GGA2: variants seen among roughly 807,000 people sequenced by gnomAD.
GGA2 encodes golgi associated, gamma adaptin ear containing, ARF binding protein 2, also known as ADP-ribosylation factor-binding protein GGA2.
Under a neutral mutation model 79.5 loss-of-function variants are expected in GGA2, and 48 were observed. The ratio of observed to expected loss-of-function variants is 0.60; its 90% CI spans 0.48 to 0.77. The LOEUF is 0.77. Ranked by LOEUF, GGA2 falls within the 30% of genes least tolerant of loss-of-function variation. The probability of loss-of-function intolerance (pLI) is 0.00; values close to 1 mark genes in which losing one functional copy is unlikely to be tolerated. For synonymous variants in GGA2, 317 were observed against 302.0 expected, an observed-to-expected ratio of 1.05 and a Z score of -0.51; for missense variants, 770 against 774.0, an observed-to-expected ratio of 0.99 and a Z score of 0.06.
At chr16:23,485,322 G>A (rs897385796) in intron 8 of GGA2, among the ~76,000 whole-genome samples, 1 of 152,106 alleles carries the variant, frequency 6.6e-6, no homozygotes, top group Non-Finnish European at 1.5e-5. Context: ...TAGGTGTGAT[G>A]GTTGCTTTTA....
At position 23,465,045 on chromosome 16, in the gene GGA2, T is replaced by A. The variant is rs1028120901; in HGVS notation, c.*2545A>T. The A allele has an allele frequency of 2.1e-6, 1 of 474,490 alleles. No homozygotes were observed. Among genetic ancestry groups the A allele is most frequent in the African/African-American group, 1.9e-5 (1 of 51,606 alleles). The allele number at this position is 474,490 out of a possible 1,614,324, so 29.4% of individuals were successfully genotyped here. On this transcript the variant is annotated 3_prime_UTR_variant, in exon 17 of 17. Transcript: ENST00000309859. ...AAGAGTTCAAGATACTGGAAAGCAC[T>A]GGCCATGAGTGCCAGATCTCCAGCA...
At chr16:23,508,560 GCTAT>G (rs1965000846) in intron 1 of GGA2, among the ~76,000 whole-genome samples, 1 of 152,058 alleles carries the variant, frequency 6.6e-6, no homozygotes, top group South Asian at 2.1e-4. Flanking sequence ...TCCCTCCTTT[GCTAT>G]CAGTGGGTGC....
chr16:23,470,038 G>T lies in GGA2; in HGVS notation c.1578C>A (p.Pro526=). The change falls in exon 15 of 17, where the codon CCC becomes CCA. Residue 526 remains proline (P), a synonymous_variant. Transcript: ENST00000309859. ...GAAACATGATATCCCAGACAGGCTG[G>T]GGAGCCGTGCTCATCATGGTCAAGA... The part of the protein sequence containing the change: ...VLLLTMMSTA[P]QPVWDIMFQV... The T allele has an allele frequency of 1.3e-6, 2 of 1,595,612 alleles. No homozygotes were observed. The highest frequency in any genetic ancestry group is 1.7e-6 in the Non-Finnish European group (2 of 1,171,092).
chr16:23,500,970 T>C (rs1423524662), intron 1 of GGA2: 6 of 312,618 alleles, frequency 1.9e-5, no homozygotes, highest in Non-Finnish European at 3.2e-5. Flanking sequence ...TTACACCATA[T>C]TGCTAGATAA....
At chr16:23,491,883 G>A in intron 4 of GGA2, 83 bp from the exon 5 acceptor site, 1 of 934,306 alleles carries the variant, frequency 1.1e-6, no homozygotes, top group East Asian at 2.5e-5. Flanking sequence ...AGCTGCTGAG[G>A]CCCAGAGACA....
At chr16:23,480,250 G>T in intron 10 of GGA2, 1 of 318,096 alleles carries the variant, frequency 3.1e-6, no homozygotes, top group East Asian at 6.9e-5. Flanking sequence ...CCAGCTCCAA[G>T]CAGTCTTGAT....
At position 23,463,864 on chromosome 16, in the gene GGA2, G is replaced by A. The variant is rs1964402919; in HGVS notation, c.*3726C>T. On this transcript the variant is annotated 3_prime_UTR_variant, in exon 17 of 17. Coordinates refer to ENST00000309859, the MANE Select transcript of GGA2 (RefSeq NM_015044.4). ...CACCTGTAGTCCCAGCTACTCCAGA[G>A]GCTGAAGCCGGAGGATCGCCTGAAC... The A allele has an allele frequency of 6.6e-6, 1 of 152,242 alleles. No individual in the cohort carries two copies. Among genetic ancestry groups the A allele is most frequent in the Admixed American group, 6.5e-5 (1 of 15,268 alleles). 9.4% of individuals were successfully genotyped at this position (152,242 alleles called of 1,614,324 possible).
At chr16:23,488,528 C>T (rs1207075188) in intron 6 of GGA2, 78 bp downstream of exon 6, 22 of 862,682 alleles carry the variant, frequency 2.6e-5, no homozygotes, top group Middle Eastern at 2.2e-4. Flanking sequence ...CTCCATACTC[C>T]GATTCAAGCA....
chr16:23,501,118 A>T lies in GGA2; in HGVS notation c.92-5340T>A, dbSNP rs749662302. On this transcript the variant is annotated intron_variant, in intron 1 of 16. Coordinates refer to ENST00000309859, the MANE Select transcript of GGA2 (RefSeq NM_015044.4). ...CCAATACACCCACTTTCACAAGAGA[A>T]GGTTCCAGGGAAATCCTTCGAGCAT... The T allele has an allele frequency of 7.6e-6, 3 of 395,556 alleles. No homozygotes were observed. The Admixed American group carries it at 9.6e-5, about 13-fold the overall frequency. The allele number at this position is 395,556 out of a possible 1,614,324, so 24.5% of individuals were successfully genotyped here. A position where few individuals can be genotyped will look rare whatever the true frequency, so the allele number is the denominator to read the frequency against.
At chr16:23,497,373 G>A (rs1300145395) in intron 1 of GGA2, among the ~76,000 whole-genome samples, 1 of 151,966 alleles carries the variant, frequency 6.6e-6, no homozygotes, top group Non-Finnish European at 1.5e-5. Context: ...CTCCCGCTGC[G>A]CCAACCCCAC....
chr16:23,518,437 GCCTGTGCTCAAGCAAT>G (rs1348028239), intron 2 of GGA2, among the ~76,000 whole-genome samples: 1 of 151,918 alleles, frequency 6.6e-6, no homozygotes, highest in Non-Finnish European at 1.5e-5. Context: ...GGTCTTAAAC[GCCTGTGCTCAAGCAAT>G]CCTCCCCCAT....
At chr16:23,479,036 G>A in intron 11 of GGA2, 125 bp from the exon 12 acceptor site, 1 of 718,100 alleles carries the variant, frequency 1.4e-6, no homozygotes, top group African/African-American at 1.7e-5. Flanking sequence ...ACTTACTGAA[G>A]GTCATGTGAC....
chr16:23,510,655 T>C (rs930405288), upstream of GGA2, among the ~76,000 whole-genome samples: 9 of 152,182 alleles, frequency 5.9e-5, no homozygotes, highest in African/African-American at 2.2e-4. Flanking sequence ...CCAGATAAAA[T>C]ACAAGACGCC....
intron 6 of GGA2, among the ~76,000 whole-genome samples, chr16:23,487,663 A>G (rs925497712): frequency 6.6e-6 from 1 of 152,082 alleles, no homozygotes; most frequent in African/African-American, 2.4e-5. Context: ...ATTGTTTCTC[A>G]GAAGTCACAC....
In GGA2 at chr16:23,486,120, C is replaced by T. The variant is rs745736973; in HGVS notation, c.693G>A (p.Arg231=). The T allele has an allele frequency of 6.2e-6, 10 of 1,613,738 alleles. No homozygotes were observed. Among genetic ancestry groups the T allele is most frequent in the Non-Finnish European group, 8.5e-6 (10 of 1,179,742 alleles). Residue 231 remains arginine, a synonymous_variant, in exon 8 of 17, where the codon AGG becomes AGA. Transcript: ENST00000309859. ...TTCGCACTTCCTCCACCGCACTGACCCTCTTGGACACCTTCTCCGATTTTT... is the reference window on the plus strand; with the variant it reads ...TTCGCACTTCCTCCACCGCACTGACTCTCTTGGACACCTTCTCCGATTTTT... ...EQEKSEKVSK[R]VSAVEEVRSH...
At chr16:23,494,270 GA>G in intron 3 of GGA2, 32 bp downstream of exon 3, 1 of 1,394,188 alleles carries the variant, frequency 7.2e-7, no homozygotes, top group Non-Finnish European at 1.0e-6. Flanking sequence ...ACAAGGACAG[GA>G]AAGGTTAGGC....
intron 9 of GGA2, 35 bp from the exon 10 acceptor site, chr16:23,480,805 T>A (rs749746189): frequency 6.3e-7 from 1 of 1,590,072 alleles, no homozygotes; most frequent in East Asian, 2.3e-5. Context: ...ACCCCCTGGT[T>A]TGGCAACCAA....
intron 11 of GGA2, chr16:23,479,168 A>AC (rs931565487): frequency 2.0e-4 from 111 of 546,082 alleles, no homozygotes; most frequent in African/African-American, 2.0e-3. Context: ...CCTACTCACA[A>AC]CCACCCTGAT....
rs59718939 is a variant in GGA2 at position 23,468,697 on chromosome 16, C to T, written c.1731+189G>A. Among the ~76,000 whole-genome samples, 694 of 151,652 alleles carry T rather than the reference C, an allele frequency of 4.6e-3. 8 individuals are homozygous for T. Among genetic ancestry groups the T allele is most frequent in the African/African-American group, 0.016 (671 of 41,314 alleles). Reference sequence around the variant, plus strand: ...CCATGTTGGCCAGGCTGGTCTCAAACTCCTGACCTCAGGTGGTCCACCTGC... The same window carrying T: ...CCATGTTGGCCAGGCTGGTCTCAAATTCCTGACCTCAGGTGGTCCACCTGC... On this transcript the variant is annotated intron_variant, in intron 16 of 16. Coordinates refer to ENST00000309859, the MANE Select transcript of GGA2 (RefSeq NM_015044.4).
Sources: gnomAD v4.1 joint callset for allele counts (sites outside exome capture counted in the v4.1 genomes callset) on GRCh38, gnomAD v4.1.1 for gene constraint, MANE v1.5 for transcripts, NCBI Gene and HGNC (gene_info 2026-07-23, HGNC 2026-07-21) for gene names.